The following RYR3 variants were observed in gnomAD, a reference collection of about 807,000 sequenced individuals.
RYR3 encodes brain ryanodine receptor-calcium release channel.
A neutral mutation model predicts 584.3 loss-of-function variants in RYR3; 207 were observed. The observed-to-expected ratio is 0.35, with a 90% CI of 0.32 to 0.40. The LOEUF (loss-of-function observed/expected upper bound fraction) is 0.40, where lower values mean the gene tolerates loss of function less well. Ranked by LOEUF, RYR3 falls within the 10% of genes least tolerant of loss-of-function variation. RYR3 has a pLI of 1.00. For synonymous variants in RYR3, 2,416 were observed against 2,248.5 expected (o/e 1.07, Z -2.11); for missense variants, 5,616 against 6,089.2 (o/e 0.92, Z 2.59).
rs1400016738 is a variant in RYR3, at chr15:33,837,697, T to C, written c.11717T>C (p.Val3906Ala). 6.2e-7 allele frequency: 1 copy of C among 1,608,868 alleles called. No homozygotes were observed. Among genetic ancestry groups the C allele is most frequent in the Admixed American group, 1.7e-5 (1 of 59,060 alleles). The change falls in exon 89 of 104, where the codon GTA (valine) becomes GCA (alanine). Residue 3906 changes from valine (V) to alanine (A), a missense_variant. By Grantham distance (64) the Val-to-Ala change is moderately conservative. Around this residue, in one of 9 missense-constraint regions of RYR3, gnomAD observed 258 missense variants for 297.3 expected, o/e 0.87. Transcript: ENST00000634891. ...VDTLVESSTN[V>A]EMILKFFDMF... ...ACACTGGTAGAATCATCTACCAATGTAGAAATGATCTTGAAATTCTTTGAC... is the reference window on the plus strand; with the variant it reads ...ACACTGGTAGAATCATCTACCAATGCAGAAATGATCTTGAAATTCTTTGAC...
intron 51 of RYR3, among the ~76,000 whole-genome samples, chr15:33,741,614 G>GTTTTT (rs1414271429): frequency 6.6e-6 from 1 of 151,962 alleles, no homozygotes; most frequent in Non-Finnish European, 1.5e-5. Context: ...GTTTTGTTTT[G>GTTTTT]TTTTGTTTTG....
intron 1 of RYR3, among the ~76,000 whole-genome samples, chr15:33,464,467 T>TAC (rs1567295169): frequency 2.7e-5 from 2 of 75,388 alleles, no homozygotes; most frequent in African/African-American, 9.0e-5. Flanking sequence ...GGTGGAGATA[T>TAC]ATATATATAT....
intron 86 of RYR3, among the ~76,000 whole-genome samples, chr15:33,834,220 G>T (rs1238660256): frequency 6.6e-6 from 1 of 151,610 alleles, no homozygotes; most frequent in Non-Finnish European, 1.5e-5. Flanking sequence ...GTGAGCAGAG[G>T]TTGCAGTAAG....
chr15:33,708,085 C>G (rs962576891), intron 43 of RYR3, among the ~76,000 whole-genome samples: 1 of 152,148 alleles, frequency 6.6e-6, no homozygotes, highest in East Asian at 1.9e-4. Context: ...ATCACTGCAT[C>G]CTTCTTGTTT....
intron 1 of RYR3, among the ~76,000 whole-genome samples, chr15:33,426,287 ATT>A (rs757278733): frequency 6.6e-6 from 1 of 152,022 alleles, no homozygotes; most frequent in Non-Finnish European, 1.5e-5. Context: ...AAAAATGTTA[ATT>A]TTTTTTAAGA....
intron 1 of RYR3, among the ~76,000 whole-genome samples, chr15:33,355,182 CAAAA>C (rs56127912): frequency 1.6e-5 from 2 of 126,126 alleles, no homozygotes. Context: ...GAAACTCCCT[CAAAA>C]AAAAAAAAAA....
At chr15:33,523,416 C>A (rs1050931106) in intron 3 of RYR3, among the ~76,000 whole-genome samples, 1 of 152,102 alleles carries the variant, frequency 6.6e-6, no homozygotes, top group Non-Finnish European at 1.5e-5. Flanking sequence ...GTCAGCGAGA[C>A]CACCAACCCA....
In RYR3 at chr15:33,746,112, G is replaced by A. The variant is rs2152842418; in HGVS notation, c.7944G>A (p.Val2648=). Residue 2648 remains valine (V), a synonymous_variant, in exon 53 of 104, where the codon GTG becomes GTA. Coordinates refer to ENST00000634891, the MANE Select transcript of RYR3 (RefSeq NM_001036.6). ...WKYGISLDEN[V]KTHPLIRPFK... is the part of the protein sequence containing the mutation. Reference sequence around the variant, plus strand: ...ATGGGATTTCCCTGGATGAAAATGTGAAGACCCACCCACTGATAAGGCCTT... The same window carrying A: ...ATGGGATTTCCCTGGATGAAAATGTAAAGACCCACCCACTGATAAGGCCTT... 1 of 1,601,472 alleles carries A rather than the reference G, an allele frequency of 6.2e-7. No homozygotes were observed.
chr15:33,824,560 T>A (rs1227226017), intron 81 of RYR3, among the ~76,000 whole-genome samples: 1 of 152,198 alleles, frequency 6.6e-6, no homozygotes, highest in East Asian at 1.9e-4. Flanking sequence ...CAAGCCCTTT[T>A]GCCAGCAGAA....
rs114317543 is a variant in RYR3 at position 33,418,009 on chromosome 15, G to A, written c.52-55410G>A. Among the ~76,000 whole-genome samples, 550 of 152,174 alleles carry A rather than the reference G, an allele frequency of 3.6e-3. 5 individuals carry two copies. Among genetic ancestry groups the A allele is most frequent in the African/African-American group, 0.012 (518 of 41,530 alleles). On this transcript the variant is annotated intron_variant, in intron 1 of 103. Transcript: ENST00000634891. ...ATTGCGTATGTTGAACCATCTTTGCGTCACAGATATAATGCTCACTTGATC... is the reference window on the plus strand; with the variant it reads ...ATTGCGTATGTTGAACCATCTTTGCATCACAGATATAATGCTCACTTGATC...
intron 1 of RYR3, among the ~76,000 whole-genome samples, chr15:33,403,483 T>C (rs2141398859): frequency 6.6e-6 from 1 of 152,282 alleles, no homozygotes; most frequent in South Asian, 2.1e-4. Flanking sequence ...TTTTGAAGTG[T>C]CAATAGTACA....
intron 24 of RYR3, 35 bp downstream of exon 24, chr15:33,633,143 T>C: frequency 6.2e-7 from 1 of 1,605,824 alleles, no homozygotes; most frequent in Non-Finnish European, 8.5e-7. Context: ...CTGGAAAACT[T>C]AGAAGATATG....
At chr15:33,660,048 A>G (rs1467561054) in intron 33 of RYR3, 149 bp from the exon 34 acceptor site, 4 of 649,954 alleles carry the variant, frequency 6.2e-6, no homozygotes, top group African/African-American at 3.7e-5. Context: ...CCATTATTTG[A>G]AATGCTAATT....
intron 15 of RYR3, among the ~76,000 whole-genome samples, chr15:33,585,443 T>C (rs1018888527): frequency 6.6e-5 from 10 of 152,080 alleles, no homozygotes; most frequent in Admixed American, 2.6e-4. Flanking sequence ...ATATAACCTA[T>C]CCAGTGTGCC....
At chr15:33,735,824 A>G (rs995851450) in intron 48 of RYR3, among the ~76,000 whole-genome samples, 3 of 152,230 alleles carry the variant, frequency 2.0e-5, no homozygotes, top group African/African-American at 4.8e-5. Flanking sequence ...AAATCGCACC[A>G]GTAGGTGGCC....
At chr15:33,835,205 T>A in intron 87 of RYR3, 133 bp downstream of exon 87, 1 of 674,840 alleles carries the variant, frequency 1.5e-6, no homozygotes, top group Non-Finnish European at 2.4e-6. Context: ...TCTCAGTTTT[T>A]TAAACTGAAG....
chr15:33,679,474 A>G (rs1050298404), intron 38 of RYR3, among the ~76,000 whole-genome samples: 1 of 152,218 alleles, frequency 6.6e-6, no homozygotes, highest in Non-Finnish European at 1.5e-5. Flanking sequence ...AAAATTCTTG[A>G]TGCTCATTAA....
chr15:33,565,230 T>C (rs1041289549), intron 11 of RYR3, among the ~76,000 whole-genome samples: 1 of 152,212 alleles, frequency 6.6e-6, no homozygotes, highest in Non-Finnish European at 1.5e-5. Context: ...TTTCGGTCTT[T>C]AAGGACCAGA....
chr15:33,582,965 C>T (rs1486134254), intron 14 of RYR3, among the ~76,000 whole-genome samples: 1 of 152,206 alleles, frequency 6.6e-6, no homozygotes, highest in African/African-American at 2.4e-5. Flanking sequence ...TTTGCGTCTA[C>T]TCTTTTTGCC....
Sources: allele counts gnomAD v4.1 joint callset (sites outside exome capture counted in the v4.1 genomes callset), GRCh38; gene constraint gnomAD v4.1.1; regional missense constraint gnomAD v4.1.1; transcripts MANE v1.5; gene names NCBI Gene and HGNC (gene_info 2026-07-23, HGNC 2026-07-21).